The following EYA4 variants were observed in gnomAD, a reference collection of about 807,000 sequenced individuals.
EYA4 encodes protein phosphatase EYA4.
EYA4 carries 31 observed loss-of-function variants against 87.9 expected under a neutral mutation model. The observed-to-expected ratio is 0.35, with a 90% confidence interval of 0.27 to 0.48. The LOEUF (loss-of-function observed/expected upper bound fraction) is 0.48, where lower values mean the gene tolerates loss of function less well. Among genes scored for constraint, EYA4 ranks in the 20% least tolerant of loss-of-function variants. The pLI, the probability that EYA4 is intolerant of heterozygous loss-of-function variation, is 0.99. For missense variants in EYA4, 678 were observed against 761.4 expected, an observed-to-expected ratio of 0.89 and a Z score of 1.29; for synonymous variants, 263 against 270.6, an observed-to-expected ratio of 0.97 and a Z score of 0.28.
At position 133,530,199 on chromosome 6, in the gene EYA4, T is replaced by C; in HGVS notation, c.*1394T>C. On this transcript the variant is annotated 3_prime_UTR_variant, in exon 20 of 20. Coordinates refer to ENST00000355286, the MANE Select transcript of EYA4 (RefSeq NM_004100.5). ...GAAATGACAACAGTAAAATAATACC[T>C]GGTTCTCCATCTGAATACATCAATG... 1 of 985,426 alleles carries C rather than the reference T, an allele frequency of 1.0e-6. No individual in the cohort carries two copies. The highest frequency in any genetic ancestry group is 1.2e-6 in the Non-Finnish European group (1 of 829,912). The allele number at this position is 985,426 out of a possible 1,614,324, so 61.0% of individuals were successfully genotyped here. A position where few individuals can be genotyped will look rare whatever the true frequency, so the allele number is the denominator to read the frequency against.
intron 3 of EYA4, among the ~76,000 whole-genome samples, chr6:133,443,901 T>C (rs887677058): frequency 1.3e-5 from 2 of 152,196 alleles, no homozygotes; most frequent in African/African-American, 4.8e-5. Flanking sequence ...ATTTCAACTT[T>C]AAAATCTATC....
In EYA4 at chr6:133,274,875, T is replaced by A. The variant is rs1286180371; in HGVS notation, c.33+62T>A. 37 of 1,188,944 alleles carry A rather than the reference T, an allele frequency of 3.1e-5. No homozygotes were observed. The Middle Eastern group carries it at 5.7e-4, about 18-fold the overall frequency. The allele number at this position is 1,188,944 out of a possible 1,614,324, so 73.6% of individuals were successfully genotyped here. ...CGATAACACTACTGAAAATCATACGTAAAAGAGATATATTGTAAGAAGTAA... is the reference window on the plus strand; with the variant it reads ...CGATAACACTACTGAAAATCATACGAAAAAGAGATATATTGTAAGAAGTAA... On this transcript the variant is annotated intron_variant, in intron 2 of 19. Transcript: ENST00000355286.
chr6:133,407,951 T>TG (rs1465449008), intron 3 of EYA4, among the ~76,000 whole-genome samples: 1 of 152,100 alleles, frequency 6.6e-6, no homozygotes, highest in Non-Finnish European at 1.5e-5. Context: ...ATTTAAAGTA[T>TG]GGGGGGAAGA....
intron 13 of EYA4, among the ~76,000 whole-genome samples, chr6:133,499,565 A>C (rs1797931677): frequency 6.6e-6 from 1 of 152,204 alleles, no homozygotes; most frequent in African/African-American, 2.4e-5. Flanking sequence ...GACAACATTA[A>C]CTACTGTTCA....
intron 3 of EYA4, among the ~76,000 whole-genome samples, chr6:133,388,117 AAC>A (rs1404702688): frequency 2.0e-5 from 3 of 152,066 alleles, no homozygotes; most frequent in African/African-American, 7.2e-5. Flanking sequence ...AGCTTTAAAA[AAC>A]AGTCTCGGCC....
rs550457404 is a variant in EYA4 at position 133,267,566 on chromosome 6, A to G, written c.-65-7150A>G. On this transcript the variant is annotated intron_variant, in intron 1 of 19. Coordinates refer to ENST00000355286, the MANE Select transcript of EYA4 (RefSeq NM_004100.5). ...CCCGGCTAATTTTTTGTATTTTAGT[A>G]GAGACAGGGTTTCACCATGTTGGTC... 7.9e-5 allele frequency among the ~76,000 whole-genome samples: 12 copies of G among 152,212 alleles called. No individual in the cohort carries two copies. The South Asian group carries it at 2.5e-3, about 32-fold the overall frequency.
At chr6:133,272,334 A>C (rs211439) in intron 1 of EYA4, among the ~76,000 whole-genome samples, 1 of 152,220 alleles carries the variant, frequency 6.6e-6, no homozygotes, top group Admixed American at 6.5e-5. Context: ...CAGGAGTAGA[A>C]ACCATGGACA....
chr6:133,435,620 T>A (rs1791586871), intron 3 of EYA4: 1 of 152,192 alleles, frequency 6.6e-6, no homozygotes, highest in East Asian at 1.9e-4. Context: ...CAAGTGGTTT[T>A]TGGATCCTAA....
In EYA4 at chr6:133,277,306, CA is replaced by C. The variant is rs1210470536; in HGVS notation, c.33+2494del. 5.3e-5 allele frequency among the ~76,000 whole-genome samples: 8 copies of C among 152,276 alleles called. No individual in the cohort carries two copies. The South Asian group carries it at 1.7e-3, about 32-fold the overall frequency. On this transcript the variant is annotated intron_variant, in intron 2 of 19. Transcript: ENST00000355286. ...TGACCTAGAGAGTGTCAAGGTCAAA[CA>C]GCTGTTAAGTAGTAGAGATCAGAAT...
At chr6:133,466,135 T>C (rs890200512) in intron 10 of EYA4, among the ~76,000 whole-genome samples, 2 of 152,070 alleles carry the variant, frequency 1.3e-5, no homozygotes, top group African/African-American at 4.8e-5. Flanking sequence ...GAAACAAATA[T>C]GAAAATAAGA....
At chr6:133,349,569 T>C (rs1480438307) in intron 2 of EYA4, among the ~76,000 whole-genome samples, 2 of 152,228 alleles carry the variant, frequency 1.3e-5, no homozygotes, top group South Asian at 2.1e-4. Flanking sequence ...TGGTCTCTTA[T>C]TCTGATAGCT....
chr6:133,508,455 T>C (rs1355623900), intron 14 of EYA4, among the ~76,000 whole-genome samples: 2 of 152,120 alleles, frequency 1.3e-5, no homozygotes, highest in Admixed American at 6.6e-5. Context: ...TATGGATGAG[T>C]TGCATTGTAA....
chr6:133,429,161 ATGATCCACCTGCCTCAGCCTCCC>A (rs1417218636), intron 3 of EYA4, among the ~76,000 whole-genome samples: 2 of 151,718 alleles, frequency 1.3e-5, no homozygotes, highest in African/African-American at 4.8e-5. Flanking sequence ...TCCTGACCTC[ATGATCCACCTGCCTCAGCCTCCC>A]AAAGTGCTGG....
chr6:133,433,752 A>G (rs910730143), intron 3 of EYA4, among the ~76,000 whole-genome samples: 3 of 152,208 alleles, frequency 2.0e-5, no homozygotes, highest in Non-Finnish European at 4.4e-5. Context: ...CAGAATCAGA[A>G]TCTAACAGAC....
intron 1 of EYA4, among the ~76,000 whole-genome samples, chr6:133,256,487 C>T (rs1430813118): frequency 6.6e-6 from 1 of 151,816 alleles, no homozygotes; most frequent in Non-Finnish European, 1.5e-5. Context: ...TTCTAAGCAC[C>T]TTACATATAT....
At chr6:133,449,991 CTT>C (rs960524608) in intron 5 of EYA4, among the ~76,000 whole-genome samples, 1 of 146,540 alleles carries the variant, frequency 6.8e-6, no homozygotes, top group Non-Finnish European at 1.5e-5. Context: ...ATTTCAATGA[CTT>C]TTTTTTTTTT....
intron 1 of EYA4, chr6:133,247,534 T>C (rs1344961544): frequency 6.6e-6 from 1 of 152,236 alleles, no homozygotes; most frequent in Non-Finnish European, 1.5e-5. Flanking sequence ...GAGCTGCCCA[T>C]ATTTTGGAAA....
intron 2 of EYA4, among the ~76,000 whole-genome samples, chr6:133,278,387 C>T (rs149039333): frequency 2.0e-4 from 31 of 152,286 alleles, no homozygotes; most frequent in Admixed American, 5.2e-4. Context: ...CCCTACAGGA[C>T]TGAAACCCTA....
intron 2 of EYA4, among the ~76,000 whole-genome samples, chr6:133,370,228 G>A (rs999306934): frequency 2.0e-5 from 3 of 152,156 alleles, no homozygotes; most frequent in Admixed American, 6.5e-5. Flanking sequence ...ACGCACTACA[G>A]AACTGACTTC....
Sources: gnomAD v4.1 joint callset for allele counts (sites outside exome capture counted in the v4.1 genomes callset) on GRCh38, gnomAD v4.1.1 for gene constraint, MANE v1.5 for transcripts, NCBI Gene and HGNC (gene_info 2026-07-23, HGNC 2026-07-21) for gene names.